Variants in KCNH5 observed in about 807,000 individuals in gnomAD.
The protein encoded by KCNH5 is voltage-gated delayed rectifier potassium channel KCNH5.
A neutral mutation model predicts 96.1 loss-of-function variants in KCNH5; 46 were observed. The ratio of observed to expected loss-of-function variants is 0.48; its 90% CI spans 0.38 to 0.61. The LOEUF (loss-of-function observed/expected upper bound fraction) is 0.61. KCNH5 is among the 20% of genes least tolerant of loss of function. The pLI is 0.00. For missense variants in KCNH5, 907 were observed against 1,225.8 expected, an observed-to-expected ratio of 0.74 and a Z score of 3.88; for synonymous variants, 439 against 449.8, an observed-to-expected ratio of 0.98 and a Z score of 0.30.
chr14:62,869,723 A>G (rs1358574510), intron 7 of KCNH5, among the ~76,000 whole-genome samples: 1 of 152,214 alleles, frequency 6.6e-6, no homozygotes, highest in Non-Finnish European at 1.5e-5. Flanking sequence ...TAACTGAAAC[A>G]GCATGGTACT....
intron 7 of KCNH5, among the ~76,000 whole-genome samples, chr14:62,948,776 C>A (rs1337095856): frequency 1.4e-5 from 2 of 147,974 alleles, no homozygotes; most frequent in South Asian, 2.2e-4. Flanking sequence ...TACTGGCAAA[C>A]CGAATCCAGC....
intron 7 of KCNH5, among the ~76,000 whole-genome samples, chr14:62,854,363 C>G (rs1281369164): frequency 6.6e-6 from 1 of 151,988 alleles, no homozygotes; most frequent in East Asian, 1.9e-4. Context: ...TTTTCAGAAA[C>G]ATTTTATTTT....
chr14:63,027,703 G>C (rs1216960750), intron 1 of KCNH5, among the ~76,000 whole-genome samples: 1 of 151,882 alleles, frequency 6.6e-6, no homozygotes, highest in African/African-American at 2.4e-5. Flanking sequence ...TTTAAGAAAA[G>C]TATTGCAATA....
intron 7 of KCNH5, among the ~76,000 whole-genome samples, chr14:62,925,177 T>C (rs1236356941): frequency 2.0e-5 from 3 of 151,984 alleles, no homozygotes; most frequent in African/African-American, 4.8e-5. Context: ...TTTTGTTGGT[T>C]AACCAGAATT....
chr14:63,005,574 A>G, intron 3 of KCNH5, among the ~76,000 whole-genome samples: 1 of 152,202 alleles, frequency 6.6e-6, no homozygotes, highest in South Asian at 2.1e-4. Flanking sequence ...GACTCATCTT[A>G]TGAAGTGACT....
chr14:62,862,192 T>C (rs1888049661), intron 7 of KCNH5, among the ~76,000 whole-genome samples: 3 of 152,198 alleles, frequency 2.0e-5, no homozygotes, highest in African/African-American at 7.2e-5. Context: ...TACTTAAATA[T>C]GGAAGCATTA....
At chr14:62,979,355 AT>A (rs1268028668) in intron 6 of KCNH5, among the ~76,000 whole-genome samples, 11 of 152,070 alleles carry the variant, frequency 7.2e-5, no homozygotes, top group Non-Finnish European at 1.0e-4. Context: ...AATTATTATG[AT>A]TTTTTTCTCA....
chr14:62,763,270 T>C (rs1885791510), intron 10 of KCNH5, among the ~76,000 whole-genome samples: 1 of 152,016 alleles, frequency 6.6e-6, no homozygotes, highest in South Asian at 2.1e-4. Context: ...ACATGGAAAT[T>C]AAACAACCTG....
rs1390969043 is a variant in KCNH5, at chr14:62,705,369, C to T, written c.*2139G>A. 2 of 151,800 alleles carry T rather than the reference C, an allele frequency of 1.3e-5. No individual in the cohort carries two copies. Among genetic ancestry groups the T allele is most frequent in the East Asian group, 3.9e-4 (2 of 5,186 alleles). 9.4% of individuals were successfully genotyped at this position (151,800 alleles called of 1,614,324 possible). On this transcript the variant is annotated 3_prime_UTR_variant, in exon 11 of 11. Transcript: ENST00000322893. ...CACATTCACCTTTAAAAGCTTAAGC[C>T]AAACTTGACTTAAACAAATAGAAAA...
intron 6 of KCNH5, among the ~76,000 whole-genome samples, chr14:62,961,554 TA>T (rs1188705272): frequency 6.6e-6 from 1 of 152,028 alleles, no homozygotes; most frequent in Admixed American, 6.6e-5. Flanking sequence ...TGAAGCAGAG[TA>T]AGACTGAAGT....
chr14:62,879,749 G>A (rs897855037), intron 7 of KCNH5, among the ~76,000 whole-genome samples: 1 of 152,030 alleles, frequency 6.6e-6, no homozygotes, highest in Non-Finnish European at 1.5e-5. Flanking sequence ...ATGTTAACTT[G>A]TACTTCCCTA....
intron 7 of KCNH5, among the ~76,000 whole-genome samples, chr14:62,927,516 A>T (rs1456187883): frequency 6.6e-6 from 1 of 152,154 alleles, no homozygotes; most frequent in Non-Finnish European, 1.5e-5. Flanking sequence ...GCATGAACAA[A>T]ATGTGGTATA....
intron 8 of KCNH5, among the ~76,000 whole-genome samples, chr14:62,831,283 A>G (rs1595644145): frequency 6.6e-6 from 1 of 152,280 alleles, no homozygotes; most frequent in South Asian, 2.1e-4. Flanking sequence ...GGGTCAGTTT[A>G]ATGTATCAAA....
intron 10 of KCNH5, among the ~76,000 whole-genome samples, chr14:62,772,668 T>A (rs1183651422): frequency 1.3e-5 from 2 of 151,996 alleles, no homozygotes; most frequent in Non-Finnish European, 1.5e-5. Flanking sequence ...AGTAGCAGTT[T>A]TTTTAATGTG....
chr14:62,958,284 T>G (rs1254791272), intron 6 of KCNH5, among the ~76,000 whole-genome samples: 1 of 152,200 alleles, frequency 6.6e-6, no homozygotes, highest in African/African-American at 2.4e-5. Context: ...ATAAATCTTA[T>G]AAATATTTCT....
At chr14:62,974,048 C>G (rs1890457701) in intron 6 of KCNH5, among the ~76,000 whole-genome samples, 1 of 152,186 alleles carries the variant, frequency 6.6e-6, no homozygotes, top group Non-Finnish European at 1.5e-5. Flanking sequence ...GCTTGACAAG[C>G]ATAATTCATG....
intron 10 of KCNH5, among the ~76,000 whole-genome samples, chr14:62,768,203 T>G (rs963993922): frequency 3.0e-5 from 4 of 131,576 alleles, no homozygotes; most frequent in Non-Finnish European, 6.6e-5. Context: ...CCCCTTAAAT[T>G]TATACAAATT....
At chr14:63,037,568 T>C (rs1395896811) in intron 1 of KCNH5, among the ~76,000 whole-genome samples, 3 of 152,134 alleles carry the variant, frequency 2.0e-5, no homozygotes, top group African/African-American at 4.8e-5. Context: ...AATAAAATCA[T>C]TGTGCTTTAA....
At chr14:62,982,399 T>G (rs1316552960) in intron 5 of KCNH5, among the ~76,000 whole-genome samples, 1 of 152,076 alleles carries the variant, frequency 6.6e-6, no homozygotes, top group African/African-American at 2.4e-5. Flanking sequence ...CCAAAGACAA[T>G]GTATGTGTTA....
Sources: allele counts gnomAD v4.1 joint callset (sites outside exome capture counted in the v4.1 genomes callset), GRCh38; gene constraint gnomAD v4.1.1; transcripts MANE v1.5; gene names NCBI Gene and HGNC (gene_info 2026-07-23, HGNC 2026-07-21).